Variants in ATRNL1 observed in about 807,000 individuals in gnomAD.
ATRNL1 encodes the protein attractin like 1, also known as attractin-like protein 1.
In ATRNL1, 95 loss-of-function variants were observed where a neutral mutation model predicts 182.7. The observed-to-expected ratio is 0.52, with a 90% confidence interval of 0.44 to 0.62. ATRNL1 has a LOEUF of 0.62. ATRNL1 is among the 20% of genes least tolerant of loss of function. The pLI is 0.00. For missense variants in ATRNL1, 1,471 were observed against 1,679.5 expected, an observed-to-expected ratio of 0.88 and a Z score of 2.17; for synonymous variants, 576 against 568.3, an observed-to-expected ratio of 1.01 and a Z score of -0.19.
intron 10 of ATRNL1, among the ~76,000 whole-genome samples, chr10:115,256,186 T>C (rs967950454): frequency 9.9e-5 from 15 of 152,240 alleles, no homozygotes; most frequent in African/African-American, 3.4e-4. Context: ...CTTTTTCTAT[T>C]GATTGGGATA....
chr10:115,351,951 T>C (rs1335687897), intron 19 of ATRNL1, among the ~76,000 whole-genome samples: 2 of 152,174 alleles, frequency 1.3e-5, no homozygotes, highest in African/African-American at 4.8e-5. Flanking sequence ...GATATTGGGC[T>C]TTTCTTTGAT....
At chr10:115,789,575 TA>T (rs757627947) in intron 27 of ATRNL1, among the ~76,000 whole-genome samples, 5 of 152,160 alleles carry the variant, frequency 3.3e-5, no homozygotes, top group Non-Finnish European at 4.4e-5. Context: ...TAAGGACTGT[TA>T]GGTCAGAGTT....
At chr10:115,808,776 G>A (rs1949979739) in intron 27 of ATRNL1, among the ~76,000 whole-genome samples, 2 of 152,076 alleles carry the variant, frequency 1.3e-5, no homozygotes, top group African/African-American at 4.8e-5. Context: ...TTCCGAGGTT[G>A]AGCATCTTTT....
intron 24 of ATRNL1, among the ~76,000 whole-genome samples, chr10:115,506,295 T>G (rs1303054886): frequency 6.6e-6 from 1 of 152,020 alleles, no homozygotes; most frequent in Non-Finnish European, 1.5e-5. Context: ...GGAAAAAGAC[T>G]GAAGGAACAA....
At chr10:115,565,985 A>T (rs1366216500) in intron 26 of ATRNL1, among the ~76,000 whole-genome samples, 1 of 152,200 alleles carries the variant, frequency 6.6e-6, no homozygotes, top group Non-Finnish European at 1.5e-5. Context: ...ATGCTGAAGT[A>T]GTGACATTGT....
chr10:115,891,298 C>T (rs1952074471), intron 28 of ATRNL1, among the ~76,000 whole-genome samples: 1 of 152,038 alleles, frequency 6.6e-6, no homozygotes, highest in Non-Finnish European at 1.5e-5. Context: ...GAATAGTGTT[C>T]TGGAAGAAAA....
chr10:115,659,284 T>C (rs1555037010), intron 26 of ATRNL1, among the ~76,000 whole-genome samples: 1 of 152,140 alleles, frequency 6.6e-6, no homozygotes, highest in African/African-American at 2.4e-5. Context: ...TTTGTGAACC[T>C]TCCTCAAATT....
chr10:115,501,368 T>C (rs1554980068), intron 24 of ATRNL1, among the ~76,000 whole-genome samples: 1 of 152,138 alleles, frequency 6.6e-6, no homozygotes, highest in African/African-American at 2.4e-5. Context: ...AGTGACATTA[T>C]TTTACTTACC....
intron 8 of ATRNL1, among the ~76,000 whole-genome samples, chr10:115,205,774 A>G (rs1251954254): frequency 3.9e-5 from 6 of 151,980 alleles, no homozygotes; most frequent in Non-Finnish European, 7.4e-5. Context: ...TTCATATGCT[A>G]CCATTTCTTG....
intron 28 of ATRNL1, among the ~76,000 whole-genome samples, chr10:115,887,251 C>T (rs930815864): frequency 8.5e-5 from 13 of 152,206 alleles, no homozygotes; most frequent in Non-Finnish European, 7.4e-5. Flanking sequence ...CGAAGGTGCC[C>T]CAAACACAAT....
chr10:115,816,519 A>G (rs1429606885), intron 27 of ATRNL1, among the ~76,000 whole-genome samples: 1 of 152,092 alleles, frequency 6.6e-6, no homozygotes, highest in East Asian at 1.9e-4. Flanking sequence ...TCATTAGCCA[A>G]TGTCTTATCA....
intron 26 of ATRNL1, among the ~76,000 whole-genome samples, chr10:115,639,757 G>A (rs978628800): frequency 3.3e-5 from 5 of 151,852 alleles, no homozygotes; most frequent in Admixed American, 2.0e-4. Context: ...CCAAAGGAAG[G>A]CAAAAGAAGA....
intron 27 of ATRNL1, among the ~76,000 whole-genome samples, chr10:115,772,348 C>G (rs1164239401): frequency 2.0e-5 from 3 of 152,250 alleles, no homozygotes; most frequent in Non-Finnish European, 4.4e-5. Flanking sequence ...CCAAGTCTCA[C>G]TGAAGTGTTC....
rs1490901561 is a variant in ATRNL1 at position 115,348,612 on chromosome 10, T to A, written c.3175+14193T>A. 2.0e-5 allele frequency among the ~76,000 whole-genome samples: 3 copies of A among 152,270 alleles called. No individual in the cohort carries two copies. The South Asian group carries it at 6.2e-4, about 32-fold the overall frequency. ...CTCAGTACATTACACATTATGTTAT[T>A]TGCAATGAAGGAATATCCTTGAACT... On this transcript the variant is annotated intron_variant, in intron 19 of 28. Transcript: ENST00000355044.
chr10:115,788,784 A>G (rs1440122116), intron 27 of ATRNL1, among the ~76,000 whole-genome samples: 1 of 152,220 alleles, frequency 6.6e-6, no homozygotes, highest in Non-Finnish European at 1.5e-5. Context: ...CTAGACCTAC[A>G]TAATCTATAA....
intron 26 of ATRNL1, among the ~76,000 whole-genome samples, chr10:115,559,414 TTGTGTGTGTGTG>T (rs138709567): frequency 3.4e-5 from 5 of 147,560 alleles, no homozygotes; most frequent in Non-Finnish European, 6.0e-5. Flanking sequence ...TTCTTGGTGT[TTGTGTGTGTGTG>T]TGTGTGTGTG....
At chr10:115,327,443 C>G (rs1347437351) in intron 18 of ATRNL1, among the ~76,000 whole-genome samples, 1 of 151,998 alleles carries the variant, frequency 6.6e-6, no homozygotes, top group African/African-American at 2.4e-5. Flanking sequence ...ACAACAGGTG[C>G]TGGAGAGGAT....
At chr10:115,599,140 T>C (rs1217113152) in intron 26 of ATRNL1, among the ~76,000 whole-genome samples, 1 of 152,186 alleles carries the variant, frequency 6.6e-6, no homozygotes, top group East Asian at 1.9e-4. Context: ...AAGTACTGTA[T>C]TGGAAAGCTA....
chr10:115,107,781 T>C (rs1392818631), intron 1 of ATRNL1, among the ~76,000 whole-genome samples: 9 of 152,258 alleles, frequency 5.9e-5, no homozygotes, highest in Admixed American at 5.9e-4. Context: ...GTTTATTTCC[T>C]ATACTTTTCA....
Sources: gnomAD v4.1 joint callset for allele counts (sites outside exome capture counted in the v4.1 genomes callset) on GRCh38, gnomAD v4.1.1 for gene constraint, MANE v1.5 for transcripts, NCBI Gene and HGNC (gene_info 2026-07-23, HGNC 2026-07-21) for gene names.